Variants in METTL25 observed in about 807,000 individuals in gnomAD.
METTL25 encodes probable methyltransferase-like protein 25.
METTL25 carries 64 observed loss-of-function variants against 71.6 expected under a neutral mutation model. That is an observed-to-expected ratio of 0.89 (90% confidence interval 0.73 to 1.10). The LOEUF (loss-of-function observed/expected upper bound fraction) is 1.10, where lower values mean the gene tolerates loss of function less well. Among genes scored for constraint, METTL25 ranks in the 50% least tolerant of loss-of-function variants. The probability of loss-of-function intolerance (pLI) is 0.00; values close to 1 mark genes in which losing one functional copy is unlikely to be tolerated. For missense variants in METTL25, 807 were observed against 707.0 expected, an observed-to-expected ratio of 1.14 and a Z score of -1.60; for synonymous variants, 287 against 250.3, an observed-to-expected ratio of 1.15 and a Z score of -1.38.
intron 1 of METTL25, among the ~76,000 whole-genome samples, chr12:82,377,197 A>G (rs1883965049): frequency 1.3e-5 from 2 of 152,066 alleles, no homozygotes; most frequent in South Asian, 2.1e-4. Context: ...CATCTCATAT[A>G]TGAATTTAAA....
At chr12:82,404,217 T>C (rs1020713004) in intron 5 of METTL25, among the ~76,000 whole-genome samples, 1 of 152,032 alleles carries the variant, frequency 6.6e-6, no homozygotes, top group African/African-American at 2.4e-5. Context: ...TGTATAGAGA[T>C]AGAATGAAAG....
intron 5 of METTL25, among the ~76,000 whole-genome samples, chr12:82,406,033 A>G (rs926201225): frequency 6.6e-6 from 1 of 152,198 alleles, no homozygotes; most frequent in Non-Finnish European, 1.5e-5. Flanking sequence ...TACTTTATGT[A>G]AAATAAAGGG....
intron 5 of METTL25, chr12:82,407,895 C>G: frequency 1.0e-6 from 1 of 984,918 alleles, no homozygotes; most frequent in Non-Finnish European, 1.2e-6. Context: ...TTTTCTCTTT[C>G]CAACACTCCA....
chr12:82,398,960 T>G lies in METTL25; in HGVS notation c.697T>G (p.Leu233Val). The change falls in exon 4 of 12, where the codon TTA (leucine) becomes GTA (valine). Residue 233 changes from leucine to valine, a missense_variant. Physicochemically the swap from Leu to Val is conservative, Grantham distance 32. Coordinates refer to ENST00000248306, the MANE Select transcript of METTL25 (RefSeq NM_032230.3). ...GAAACTCTGTCATGCTCAGTCAAGA[T>G]TAGATGTCAATGGACTAGCATTAAA... ...HWKLCHAQSR[L>V]DVNGLALKMA... 6.2e-7 allele frequency: 1 copy of G among 1,610,660 alleles called. No individual in the cohort carries two copies. Among genetic ancestry groups the G allele is most frequent in the Non-Finnish European group, 8.5e-7 (1 of 1,178,638 alleles).
intron 1 of METTL25, among the ~76,000 whole-genome samples, chr12:82,386,488 T>TTCCTCCCTCCCA (rs140573321): frequency 0.99 from 130,206 of 131,324 alleles, 64,550 homozygotes; most frequent in South Asian, 0.99. Flanking sequence ...CCTCCTTTCC[T>TTCCTCCCTCCCA]TCCTCCCTCC....
chr12:82,358,781 G>A lies in METTL25; in HGVS notation c.216G>A (p.Leu72=), dbSNP rs1279746927. 1.9e-6 allele frequency: 3 copies of A among 1,613,780 alleles called. No homozygotes were observed. The highest frequency in any genetic ancestry group is 2.5e-6 in the Non-Finnish European group (3 of 1,179,904). Residue 72 remains leucine (L), a synonymous_variant, in exon 1 of 12, where the codon CTG becomes CTA. Transcript: ENST00000248306. ...AGTCAGCGTCGGAGACGGAGGCCCT[G>A]CCCTCAGAGACGCGCCCCCTAGTGG... ...LRKSASETEA[L]PSETRPLVEA...
At chr12:82,427,320 T>G (rs1482002325) in intron 5 of METTL25, among the ~76,000 whole-genome samples, 2 of 151,960 alleles carry the variant, frequency 1.3e-5, no homozygotes, top group Non-Finnish European at 2.9e-5. Context: ...CTCAATGGCT[T>G]ATAGCGACAA....
Position 82,358,771 on chromosome 12 carries a change from C to G in METTL25, c.206C>G (p.Thr69Arg). The G allele has an allele frequency of 1.2e-6, 2 of 1,613,212 alleles. No individual in the cohort carries two copies. The highest frequency in any genetic ancestry group is 1.3e-5 in the African/African-American group (1 of 74,794). ...GCGCTGAGGAAGTCAGCGTCGGAGA[C>G]GGAGGCCCTGCCCTCAGAGACGCGC... Reference protein sequence around the residue: ...LAALRKSASETEALPSETRPL... With the variant: ...LAALRKSASEREALPSETRPL... Residue 69 changes from threonine to arginine, a missense_variant, in exon 1 of 12, where the codon ACG becomes AGG. Physicochemically the swap from Thr to Arg is moderately conservative, Grantham distance 71 (BLOSUM62 -1). Coordinates refer to ENST00000248306, the MANE Select transcript of METTL25 (RefSeq NM_032230.3).
intron 5 of METTL25, among the ~76,000 whole-genome samples, chr12:82,406,038 A>C (rs1887060056): frequency 6.6e-6 from 1 of 152,196 alleles, no homozygotes; most frequent in Admixed American, 6.5e-5. Context: ...TATGTAAAAT[A>C]AAGGGAAATG....
intron 4 of METTL25, among the ~76,000 whole-genome samples, chr12:82,401,162 A>G (rs1173731014): frequency 6.6e-6 from 1 of 151,922 alleles, no homozygotes; most frequent in African/African-American, 2.4e-5. Flanking sequence ...AACCACTTAC[A>G]GGCGTAATTT....
At position 82,413,285 on chromosome 12, in the gene METTL25, G is replaced by T. The variant is rs544393033; in HGVS notation, c.1279+10155G>T. Among the ~76,000 whole-genome samples, 8 of 152,102 alleles carry T rather than the reference G, an allele frequency of 5.3e-5. No homozygotes were observed. The South Asian group carries it at 1.7e-3, about 32-fold the overall frequency. ...TAAATATTTATTCAACATAGAATAT[G>T]CTGAGATTTAGGAGACACTCAGCAA... On this transcript the variant is annotated intron_variant, in intron 5 of 11. Coordinates refer to ENST00000248306, the MANE Select transcript of METTL25 (RefSeq NM_032230.3).
At chr12:82,368,370 A>G (rs552539577) in intron 1 of METTL25, among the ~76,000 whole-genome samples, 2 of 152,296 alleles carry the variant, frequency 1.3e-5, no homozygotes, top group East Asian at 1.9e-4. Flanking sequence ...TAACACACAC[A>G]TACACACAGA....
chr12:82,476,673 C>G lies in METTL25; in HGVS notation c.1602C>G (p.Tyr534Ter), dbSNP rs765419878. The G allele has an allele frequency of 1.2e-6, 2 of 1,600,058 alleles. No homozygotes were observed. Among genetic ancestry groups the G allele is most frequent in the Non-Finnish European group, 1.7e-6 (2 of 1,173,438 alleles). ...KLPEKIIMNY[Y>*]EKYKPRMNEL... ...CAGAAAAAATTATAATGAACTACTA[C>G]GAGAAGTATAAGCCTCGAATGAATG... The change falls in exon 10 of 12, where the codon TAC becomes TAG. Residue 534 changes from tyrosine to a stop codon, truncating the protein, a stop_gained. Coordinates refer to ENST00000248306, the MANE Select transcript of METTL25 (RefSeq NM_032230.3). LOFTEE classifies it high-confidence loss of function.
chr12:82,359,460 C>T (rs7316500), intron 1 of METTL25, among the ~76,000 whole-genome samples: 140,640 of 152,178 alleles, frequency 0.92, 65,312 homozygotes, highest in East Asian at 1. Flanking sequence ...TTAAGTGTGA[C>T]GGAAACCCTT....
intron 9 of METTL25, among the ~76,000 whole-genome samples, chr12:82,462,399 C>T (rs2137274848): frequency 6.6e-6 from 1 of 152,176 alleles, no homozygotes; most frequent in South Asian, 2.1e-4. Flanking sequence ...ATCCTCTGTA[C>T]TATGTTTTAT....
intron 5 of METTL25, among the ~76,000 whole-genome samples, chr12:82,404,994 A>C (rs1886968109): frequency 6.6e-6 from 1 of 152,022 alleles, no homozygotes; most frequent in South Asian, 2.1e-4. Flanking sequence ...CTACATTTTA[A>C]GGTCTTTAAT....
intron 1 of METTL25, among the ~76,000 whole-genome samples, chr12:82,366,811 A>G (rs1592582502): frequency 6.6e-6 from 1 of 152,234 alleles, no homozygotes; most frequent in East Asian, 1.9e-4. Flanking sequence ...CTTTCCTTAT[A>G]TATTTTTCTG....
At chr12:82,417,704 A>AG (rs1199078672) in intron 5 of METTL25, among the ~76,000 whole-genome samples, 3 of 152,142 alleles carry the variant, frequency 2.0e-5, no homozygotes, top group African/African-American at 7.2e-5. Flanking sequence ...TTTACCTCCT[A>AG]GTAGGTAGAG....
intron 5 of METTL25, among the ~76,000 whole-genome samples, chr12:82,413,517 C>T (rs1346821586): frequency 6.6e-6 from 1 of 151,990 alleles, no homozygotes; most frequent in Non-Finnish European, 1.5e-5. Flanking sequence ...AGTGCAGAAA[C>T]ACTGCATAGA....
Sources: allele counts gnomAD v4.1 joint callset (sites outside exome capture counted in the v4.1 genomes callset), GRCh38; gene constraint gnomAD v4.1.1; transcripts MANE v1.5; gene names NCBI Gene and HGNC (gene_info 2026-07-23, HGNC 2026-07-21).